The following EPHB4 variants were observed in gnomAD, a reference collection of about 807,000 sequenced individuals.
The protein encoded by EPHB4 is EPH receptor B4, also known as ephrin type-B receptor 4.
In EPHB4, 50 loss-of-function variants were observed where a neutral mutation model predicts 110.6. The observed-to-expected ratio is 0.45, with a 90% CI of 0.36 to 0.57. The LOEUF (loss-of-function observed/expected upper bound fraction) is 0.57. Among genes scored for constraint, EPHB4 ranks in the 20% least tolerant of loss-of-function variants. The pLI, the probability that EPHB4 is intolerant of heterozygous loss-of-function variation, is 0.00. For synonymous variants in EPHB4, 592 were observed against 578.4 expected, an observed-to-expected ratio of 1.02 and a Z score of -0.34; for missense variants, 1,128 against 1,382.1, an observed-to-expected ratio of 0.82 and a Z score of 2.91.
rs314348 is a variant in EPHB4 at position 100,803,648 on chromosome 7, T to G, written c.2835-58A>C. 1 allele frequency: 1,521,133 copies of G among 1,528,246 alleles called. 757,239 individuals carry two copies. The highest frequency in any genetic ancestry group is 1 in the East Asian group (42,792 of 42,792). The allele number at this position is 1,528,246 out of a possible 1,614,324, so 94.7% of individuals were successfully genotyped here. On this transcript the variant is annotated intron_variant, in intron 16 of 16. Transcript: ENST00000358173. ...TAGGTTCCCTGTGGCCGCTCTCCTC[T>G]CTTGGCTCCTGAGACGGTCCTAGCC...
At chr7:100,821,490 G>A (rs1249856430) in intron 4 of EPHB4, among the ~76,000 whole-genome samples, 2 of 151,132 alleles carry the variant, frequency 1.3e-5, no homozygotes, top group Non-Finnish European at 2.9e-5. Context: ...TTAGCCGGGC[G>A]TGGTGGCGGG....
At chr7:100,817,398 C>T (rs888176785) in intron 7 of EPHB4, 41 bp from the exon 8 acceptor site, 1 of 1,502,500 alleles carries the variant, frequency 6.7e-7, no homozygotes, top group Non-Finnish European at 8.8e-7. Flanking sequence ...ACCCGGGAAC[C>T]CAAGTTCCTG....
intron 16 of EPHB4, 86 bp from the exon 17 acceptor site, chr7:100,803,676 A>C: frequency 7.1e-7 from 1 of 1,416,278 alleles, no homozygotes. Context: ...TCCTAGCCTC[A>C]GGATTGTAAG....
rs370067368 is a variant in EPHB4 at position 100,817,355 on chromosome 7, G to A, written c.1425C>T (p.Gly475=). 2.9e-5 allele frequency: 45 copies of A among 1,563,890 alleles called. No individual in the cohort carries two copies. Among genetic ancestry groups the A allele is most frequent in the African/African-American group, 2.6e-4 (19 of 73,250 alleles). The change falls in exon 8 of 17, where the codon GGC becomes GGT. Residue 475 remains glycine, a splice_region_variant and synonymous_variant. Transcript: ENST00000358173. ...LDYEVKYHEK[G]AEGPSSVRFL... ...ACCGCACGCTGCTGGGACCCTCGGC[G>A]CCCTGTCCGGGAGAGGTAGTGGGGT...
intron 12 of EPHB4, among the ~76,000 whole-genome samples, chr7:100,811,488 A>C (rs912659352): frequency 3.9e-5 from 6 of 152,124 alleles, no homozygotes; most frequent in Admixed American, 3.3e-4. Flanking sequence ...CAAGAGGAGA[A>C]ATCCAGTTTG....
chr7:100,807,726 C>CA, intron 12 of EPHB4, 146 bp from the exon 13 acceptor site: 1 of 766,432 alleles, frequency 1.3e-6, no homozygotes, highest in Non-Finnish European at 2.1e-6. Context: ...ACTGCAGCCT[C>CA]AACCTCCTGG....
intron 13 of EPHB4, among the ~76,000 whole-genome samples, chr7:100,806,823 A>G (rs973509415): frequency 2.0e-5 from 3 of 151,976 alleles, no homozygotes; most frequent in African/African-American, 7.3e-5. Flanking sequence ...GGCGTGTACC[A>G]CCACCCTCAG....
intron 13 of EPHB4, 101 bp downstream of exon 13, chr7:100,807,264 C>T (rs529511319): frequency 4.8e-6 from 6 of 1,247,826 alleles, no homozygotes; most frequent in Non-Finnish European, 5.7e-6. Context: ...TGTATCCTCT[C>T]CCTGGAGCAG....
intron 16 of EPHB4, among the ~76,000 whole-genome samples, chr7:100,804,576 A>G (rs1362135052): frequency 6.6e-6 from 1 of 152,030 alleles, no homozygotes; most frequent in Non-Finnish European, 1.5e-5. Context: ...CGGCCTCCCA[A>G]AGTGCTGGCA....
intron 1 of EPHB4, 54 bp downstream of exon 1, chr7:100,826,925 G>T: frequency 6.6e-7 from 1 of 1,520,216 alleles, no homozygotes; most frequent in Non-Finnish European, 8.9e-7. Context: ...CCCAGATGTT[G>T]GGGGGGAGGT....
intron 10 of EPHB4, 75 bp downstream of exon 10, chr7:100,813,577 A>G: frequency 6.5e-7 from 1 of 1,536,016 alleles, no homozygotes; most frequent in Non-Finnish European, 8.9e-7. Flanking sequence ...CTGCCTCCCA[A>G]AGTGCTGGGA....
Position 100,806,466 on chromosome 7 carries a change from A to G in EPHB4, c.2438T>C (p.Val813Ala). 2 of 1,613,610 alleles carry G rather than the reference A, an allele frequency of 1.2e-6. No individual in the cohort carries two copies. Among genetic ancestry groups the G allele is most frequent in the Non-Finnish European group, 1.7e-6 (2 of 1,179,918 alleles). Residue 813 changes from valine (V) to alanine (A), a missense_variant, in exon 14 of 17, where the codon GTG becomes GCG. Physicochemically the swap from Val to Ala is moderately conservative, Grantham distance 64 (BLOSUM62 0). This residue lies in a region of EPHB4 where 209 missense variants were observed against 240.5 expected (regional missense o/e 0.87). Transcript: ENST00000358173. Reference sequence around the variant, plus strand: ...GTACGGCCTCTCCCCAAATGACATCACCTCCCACATCACAATCCCGTAACT... The same window carrying G: ...GTACGGCCTCTCCCCAAATGACATCGCCTCCCACATCACAATCCCGTAACT... ...AWSYGIVMWE[V>A]MSFGERPYWD...
rs1449906235 is a variant in EPHB4, at chr7:100,807,260, C to G, written c.2334+105G>C. ...CCCACCCACAGCCTGCTCCTGTATCCTCTCCCTGGAGCAGGGCTGCCAAAC... is the reference window on the plus strand; with the variant it reads ...CCCACCCACAGCCTGCTCCTGTATCGTCTCCCTGGAGCAGGGCTGCCAAAC... On this transcript the variant is annotated intron_variant, in intron 13 of 16. Coordinates refer to ENST00000358173, the MANE Select transcript of EPHB4 (RefSeq NM_004444.5). 21 of 1,191,046 alleles carry G rather than the reference C, an allele frequency of 1.8e-5. No individual in the cohort carries two copies. The Middle Eastern group carries it at 5.9e-4, about 33-fold the overall frequency. 73.8% of individuals were successfully genotyped at this position (1,191,046 alleles called of 1,614,324 possible). A position where few individuals can be genotyped will look rare whatever the true frequency, so the allele number is the denominator to read the frequency against.
chr7:100,820,115 A>T, intron 5 of EPHB4, 26 bp downstream of exon 5: 1 of 1,609,396 alleles, frequency 6.2e-7, no homozygotes. Context: ...TCCCCAGTGA[A>T]CTGCACCTGG....
At chr7:100,816,495 A>T (rs534271566) in intron 8 of EPHB4, among the ~76,000 whole-genome samples, 3 of 151,828 alleles carry the variant, frequency 2.0e-5, no homozygotes, top group South Asian at 2.1e-4. Flanking sequence ...CACCACGCTC[A>T]GCTAACTTCT....
intron 16 of EPHB4, among the ~76,000 whole-genome samples, chr7:100,804,074 C>T (rs1042000056): frequency 6.6e-6 from 1 of 152,134 alleles, no homozygotes; most frequent in Non-Finnish European, 1.5e-5. Flanking sequence ...GCCCAGGCCC[C>T]GTGGGGCAGG....
rs372044678 is a variant in EPHB4 at position 100,818,683 on chromosome 7, T to C, written c.1298-39A>G. 333 of 1,590,094 alleles carry C rather than the reference T, an allele frequency of 2.1e-4. 2 individuals carry two copies. Among genetic ancestry groups the C allele is most frequent in the Non-Finnish European group, 2.8e-4 (327 of 1,171,964 alleles). ...AGACACAGGGAACCCTTGTGCATGG[T>C]AGCTCTGTCCCTTAACTTAAAAAAA... On this transcript the variant is annotated intron_variant, in intron 6 of 16. Coordinates refer to ENST00000358173, the MANE Select transcript of EPHB4 (RefSeq NM_004444.5).
Position 100,820,466 on chromosome 7 carries a change from A to C in EPHB4, c.809-170T>G. The C allele has an allele frequency of 6.8e-6, 1 of 147,774 alleles. No individual in the cohort carries two copies. Among genetic ancestry groups the C allele is most frequent in the Non-Finnish European group, 1.1e-5 (1 of 88,712 alleles). The allele number at this position is 147,774 out of a possible 1,614,324, so 9.2% of individuals were successfully genotyped here. Reference sequence around the variant, plus strand: ...GGCAACATATCGAGATCCCATCTCCAAAAAAAAAAAAAAAAATTCCAGCTT... The same window carrying C: ...GGCAACATATCGAGATCCCATCTCCCAAAAAAAAAAAAAAAATTCCAGCTT... On this transcript the variant is annotated intron_variant, in intron 4 of 16. Transcript: ENST00000358173.
rs1331104035 is a variant in EPHB4 at position 100,820,238 on chromosome 7, T to C, written c.867A>G (p.Pro289=). ...CAATGGTGTTAGAGTGGCTATTGGC[T>C]GGGCATGGCTGGCAGGACCCTTCTC... ...LSGEGSCQPC[P]ANSHSNTIGS... Residue 289 remains proline, a synonymous_variant, in exon 5 of 17, where the codon CCA becomes CCG. Coordinates refer to ENST00000358173, the MANE Select transcript of EPHB4 (RefSeq NM_004444.5). 11 of 1,613,932 alleles carry C rather than the reference T, an allele frequency of 6.8e-6. No homozygotes were observed. The highest frequency in any genetic ancestry group is 8.5e-6 in the Non-Finnish European group (10 of 1,180,002).
Sources: allele counts gnomAD v4.1 joint callset (sites outside exome capture counted in the v4.1 genomes callset), GRCh38; gene constraint gnomAD v4.1.1; regional missense constraint gnomAD v4.1.1; transcripts MANE v1.5; gene names NCBI Gene and HGNC (gene_info 2026-07-23, HGNC 2026-07-21).